Variants in ANO1 observed in about 807,000 individuals in gnomAD.
ANO1 encodes the protein anoctamin 1, also known as anoctamin-1.
A neutral mutation model predicts 124.0 loss-of-function variants in ANO1; 59 were observed. That is an observed-to-expected ratio of 0.48 (90% CI 0.39 to 0.59). The LOEUF (loss-of-function observed/expected upper bound fraction) is 0.59. ANO1 is among the 20% of genes least tolerant of loss of function. The pLI is 0.00. For missense variants in ANO1, 1,059 were observed against 1,328.0 expected (o/e 0.80, Z 3.15); for synonymous variants, 529 against 532.0 (o/e 0.99, Z 0.08).
At chr11:69,988,391 C>T (rs989061167) in intron 1 of ANO1, among the ~76,000 whole-genome samples, 2 of 152,220 alleles carry the variant, frequency 1.3e-5, no homozygotes, top group African/African-American at 2.4e-5. Context: ...CTTAACCACT[C>T]TATGCCTTAT....
intron 22 of ANO1, among the ~76,000 whole-genome samples, chr11:70,176,317 T>C (rs1428774734): frequency 6.6e-6 from 1 of 152,072 alleles, no homozygotes; most frequent in Non-Finnish European, 1.5e-5. Context: ...TTGGCTAATT[T>C]TGTATTTTTA....
rs532186769 is a variant in ANO1, at chr11:70,111,990, G to A, written c.855+228G>A. Among the ~76,000 whole-genome samples, 365 of 6,200 alleles carry A rather than the reference G, an allele frequency of 0.059. 2 individuals carry two copies. The highest frequency in any genetic ancestry group is 0.11 in the African/African-American group (354 of 3,230). The allele number at this position is 6,200 out of a possible 152,430, so 4.1% of individuals were successfully genotyped here. Reference sequence around the variant, plus strand: ...AACAATCCCACCAAAACGGGGGCACGGGTGGCAGCTGCTCCTGCCTCGACT... The same window carrying A: ...AACAATCCCACCAAAACGGGGGCACAGGTGGCAGCTGCTCCTGCCTCGACT... On this transcript the variant is annotated intron_variant, in intron 7 of 25. Transcript: ENST00000355303.
chr11:70,108,482 G>A, intron 6 of ANO1, 78 bp downstream of exon 6: 1 of 1,500,110 alleles, frequency 6.7e-7, no homozygotes, highest in South Asian at 1.1e-5. Context: ...TCTGTGGGAG[G>A]CAGGCAGCCG....
At chr11:70,163,831 G>A (rs1396607377) in intron 19 of ANO1, among the ~76,000 whole-genome samples, 8 of 152,024 alleles carry the variant, frequency 5.3e-5, no homozygotes, top group Non-Finnish European at 7.4e-5. Flanking sequence ...CCACCTACTC[G>A]GGAGGCTGAG....
rs2044098363 is a variant in ANO1, at chr11:70,078,532, C to G, written c.-75C>G. The G allele has an allele frequency of 2.0e-5, 21 of 1,058,558 alleles. No individual in the cohort carries two copies. In the South Asian group the frequency reaches 3.7e-4, roughly 19 times the overall value. The allele number at this position is 1,058,558 out of a possible 1,614,324, so 65.6% of individuals were successfully genotyped here. A position where few individuals can be genotyped will look rare whatever the true frequency, so the allele number is the denominator to read the frequency against. On this transcript the variant is annotated 5_prime_UTR_variant, in exon 1 of 26. Coordinates refer to ENST00000355303, the MANE Select transcript of ANO1 (RefSeq NM_018043.7). ...GAGCGCGCCGCGAACGCTGCGGTCT[C>G]CGCCCGCAGAGGCCGCCGGGGCCGT...
chr11:70,039,984 A>C (rs1229970373), intron 1 of ANO1, among the ~76,000 whole-genome samples: 1 of 152,138 alleles, frequency 6.6e-6, no homozygotes, highest in Non-Finnish European at 1.5e-5. Context: ...AGCAGAGCAA[A>C]TCGATCAGTT....
At chr11:70,037,985 G>A (rs781893496) in intron 1 of ANO1, among the ~76,000 whole-genome samples, 2 of 152,172 alleles carry the variant, frequency 1.3e-5, no homozygotes, top group Non-Finnish European at 2.9e-5. Context: ...TGAGCATGAG[G>A]ATTAAAACGT....
chr11:70,065,141 A>T (rs1857685396), intron 1 of ANO1: 1 of 151,506 alleles, frequency 6.6e-6, no homozygotes, highest in South Asian at 2.1e-4. Context: ...TGTAGCTCTG[A>T]TTTTTTTTTC....
chr11:70,095,118 A>G (rs2044790590), intron 2 of ANO1, among the ~76,000 whole-genome samples: 1 of 151,808 alleles, frequency 6.6e-6, no homozygotes, highest in African/African-American at 2.4e-5. Context: ...AGGCAAGAGA[A>G]TTGCTTGAAC....
At chr11:69,966,206 T>C in the ANO1 span, among the ~76,000 whole-genome samples, 1 of 152,232 alleles carries the variant, frequency 6.6e-6, no homozygotes, top group South Asian at 2.1e-4. Context: ...TTTTCAAAGC[T>C]GAAGCCATAC....
intron 1 of ANO1, among the ~76,000 whole-genome samples, chr11:70,017,322 A>G (rs75898974): frequency 0.049 from 7,490 of 152,294 alleles, 620 homozygotes; most frequent in African/African-American, 0.17. Context: ...TTGGGGATCA[A>G]ATGAAATTCT....
intron 8 of ANO1, among the ~76,000 whole-genome samples, chr11:70,119,731 A>G (rs1012474443): frequency 5.3e-5 from 8 of 151,466 alleles, no homozygotes; most frequent in Non-Finnish European, 1.2e-4. Context: ...TGAATAGTTA[A>G]TGATGGTTGA....
chr11:70,111,916 C>T (rs937699761), intron 7 of ANO1, among the ~76,000 whole-genome samples, 154 bp downstream of exon 7: 8 of 152,244 alleles, frequency 5.3e-5, no homozygotes, highest in African/African-American at 1.7e-4. Flanking sequence ...CTTCCCTGTT[C>T]CCCGGGTGGG....
chr11:70,020,557 C>T (rs1591038899), intron 1 of ANO1, among the ~76,000 whole-genome samples: 1 of 152,198 alleles, frequency 6.6e-6, no homozygotes, highest in Non-Finnish European at 1.5e-5. Flanking sequence ...TCAGTGGGTC[C>T]GGCCAAGGGT....
At position 70,107,496 on chromosome 11, in the gene ANO1, G is replaced by T. The variant is rs535553584; in HGVS notation, c.748-857G>T. 3.3e-3 allele frequency among the ~76,000 whole-genome samples: 287 copies of T among 86,410 alleles called. 57 individuals are homozygous for T. The highest frequency in any genetic ancestry group is 5.3e-3 in the Non-Finnish European group (207 of 38,988). 56.7% of individuals were successfully genotyped at this position (86,410 alleles called of 152,430 possible). On this transcript the variant is annotated intron_variant, in intron 5 of 25. Coordinates refer to ENST00000355303, the MANE Select transcript of ANO1 (RefSeq NM_018043.7). ...CAGGTGGGTCCAGTGGAGGCGGCGG[G>T]GCGGGGAAGCGGTCAGATGGCCTGG...
chr11:70,027,836 C>T (rs1222509847), intron 1 of ANO1, among the ~76,000 whole-genome samples: 2 of 152,096 alleles, frequency 1.3e-5, no homozygotes, highest in African/African-American at 2.4e-5. Flanking sequence ...CTGCACTGGA[C>T]GTGGTTAAGC....
chr11:70,141,763 C>T (rs1224889301), intron 11 of ANO1: 1 of 152,176 alleles, frequency 6.6e-6, no homozygotes, highest in Non-Finnish European at 1.5e-5. Context: ...ATTATTTGTT[C>T]TTTACCCTCT....
chr11:70,112,819 A>C (rs2045839689), intron 7 of ANO1, among the ~76,000 whole-genome samples: 1 of 152,116 alleles, frequency 6.6e-6, no homozygotes, highest in Non-Finnish European at 1.5e-5. Context: ...TCAGCCTCCC[A>C]AAGTGCTGGG....
chr11:70,169,606 A>G (rs2048380058), intron 21 of ANO1, among the ~76,000 whole-genome samples: 1 of 152,036 alleles, frequency 6.6e-6, no homozygotes. Context: ...CCTGGCCCTC[A>G]TGCACAGCAC....
Sources: allele counts gnomAD v4.1 joint callset (sites outside exome capture counted in the v4.1 genomes callset), GRCh38; gene constraint gnomAD v4.1.1; transcripts MANE v1.5; gene names NCBI Gene and HGNC (gene_info 2026-07-23, HGNC 2026-07-21).